Variants in CEP57L1 observed in about 807,000 individuals in gnomAD.
The protein encoded by CEP57L1 is centrosomal protein 57 like 1.
In CEP57L1, 37 loss-of-function variants were observed where a neutral mutation model predicts 61.0. The ratio of observed to expected loss-of-function variants is 0.61; its 90% CI spans 0.47 to 0.80. The LOEUF is 0.80. CEP57L1 is among the 30% of genes least tolerant of loss of function. The pLI, the probability that CEP57L1 is intolerant of heterozygous loss-of-function variation, is 0.00. For missense variants in CEP57L1, 422 were observed against 524.7 expected (o/e 0.80, Z 1.91); for synonymous variants, 137 against 162.3 (o/e 0.84, Z 1.19).
At chr6:109,123,376 C>T (rs934048852) in intron 1 of CEP57L1, among the ~76,000 whole-genome samples, 1 of 152,084 alleles carries the variant, frequency 6.6e-6, no homozygotes, top group Admixed American at 6.6e-5. Flanking sequence ...CAGCTCAGCC[C>T]CTTAATAGCT....
intron 1 of CEP57L1, among the ~76,000 whole-genome samples, chr6:109,095,876 GAC>G (rs1781636963): frequency 6.6e-6 from 1 of 152,098 alleles, no homozygotes; most frequent in Non-Finnish European, 1.5e-5. Flanking sequence ...CTTTTTTGTG[GAC>G]ACACGCGGGG....
In CEP57L1 at chr6:109,162,894, A is replaced by G. The variant is rs762857072; in HGVS notation, c.1307A>G (p.Asn436Ser). The G allele has an allele frequency of 6.2e-7, 1 of 1,613,352 alleles. No individual in the cohort carries two copies. Among genetic ancestry groups the G allele is most frequent in the Non-Finnish European group, 8.5e-7 (1 of 1,179,512 alleles). Residue 436 changes from asparagine to serine, a missense_variant, in exon 11 of 11, where the codon AAC (asparagine) becomes AGC (serine). Asn to Ser is a conservative substitution (Grantham distance 46, BLOSUM62 1). Coordinates refer to ENST00000517392, the MANE Select transcript of CEP57L1 (RefSeq NM_001271852.3). ...CLTDTNLFQK[N>S]SSFHPIRVHN... ...ACTGACACTAACCTTTTTCAGAAAAACAGCAGCTTTCATCCAATACGAGTT... is the reference window on the plus strand; with the variant it reads ...ACTGACACTAACCTTTTTCAGAAAAGCAGCAGCTTTCATCCAATACGAGTT...
rs146681126 is a variant in CEP57L1 at position 109,135,137 on chromosome 6, G to A, written c.-3-10082G>A. 8.6e-3 allele frequency among the ~76,000 whole-genome samples: 1,308 copies of A among 152,246 alleles called. 24 individuals carry two copies. Among genetic ancestry groups the A allele is most frequent in the African/African-American group, 0.03 (1,240 of 41,550 alleles). On this transcript the variant is annotated intron_variant, in intron 1 of 10. Coordinates refer to ENST00000517392, the MANE Select transcript of CEP57L1 (RefSeq NM_001271852.3). The stretch of plus-strand genomic sequence containing the variant: ...CCTAAGCCAAAAGAACAAAGCTGGA[G>A]GCATCATGCTACCTGACTTCAAACT...
rs150805306 is a variant in CEP57L1, at chr6:109,120,387, G to A, written c.-4+24812G>A. Among the ~76,000 whole-genome samples, 918 of 152,214 alleles carry A rather than the reference G, an allele frequency of 6.0e-3. 14 individuals carry two copies. Among genetic ancestry groups the A allele is most frequent in the African/African-American group, 0.021 (873 of 41,516 alleles). On this transcript the variant is annotated intron_variant, in intron 1 of 10. Coordinates refer to ENST00000517392, the MANE Select transcript of CEP57L1 (RefSeq NM_001271852.3). ...TTCTGCATTGGCTGCCAGTTGATGC[G>A]TATGATAGGAAAGTCTCCAAAAGAA...
At position 109,160,575 on chromosome 6, in the gene CEP57L1, G is replaced by T; in HGVS notation, c.1020G>T (p.Glu340Asp). 6.2e-7 allele frequency: 1 copy of T among 1,601,292 alleles called. No homozygotes were observed. Among genetic ancestry groups the T allele is most frequent in the Non-Finnish European group, 8.5e-7 (1 of 1,174,374 alleles). The change falls in exon 10 of 11, where the codon GAG (glutamate) becomes GAT (aspartate). Residue 340 changes from glutamate to aspartate, a missense_variant. Glu to Asp is a conservative substitution (Grantham distance 45). Transcript: ENST00000517392. ...MQDELDQMSM[E>D]HQELLKQMKE... ...AATATTTGCTATTCTTTCATAGGGA[G>T]CACCAAGAACTACTGAAACAAATGA...
chr6:109,101,784 T>TA (rs1782454547), intron 1 of CEP57L1, among the ~76,000 whole-genome samples: 1 of 151,566 alleles, frequency 6.6e-6, no homozygotes, highest in Non-Finnish European at 1.5e-5. Context: ...CGCGCCCGGC[T>TA]AATGTTTTGT....
At chr6:109,114,925 A>G (rs1425624758) in intron 1 of CEP57L1, among the ~76,000 whole-genome samples, 2 of 152,174 alleles carry the variant, frequency 1.3e-5, no homozygotes, top group African/African-American at 4.8e-5. Context: ...TCATTCCACA[A>G]TGTATACATG....
chr6:109,143,931 C>T (rs1179265989), intron 1 of CEP57L1, among the ~76,000 whole-genome samples: 1 of 152,086 alleles, frequency 6.6e-6, no homozygotes, highest in Non-Finnish European at 1.5e-5. Context: ...TACTTTAGGG[C>T]CTTACCTCCA....
chr6:109,101,194 G>A (rs192546845), intron 1 of CEP57L1, among the ~76,000 whole-genome samples: 2 of 152,308 alleles, frequency 1.3e-5, no homozygotes, highest in East Asian at 3.9e-4. Flanking sequence ...CTTTAGATCA[G>A]TAAATTTTCA....
At chr6:109,103,377 G>C (rs1434377598) in intron 1 of CEP57L1, among the ~76,000 whole-genome samples, 2 of 152,084 alleles carry the variant, frequency 1.3e-5, no homozygotes, top group Admixed American at 6.6e-5. Flanking sequence ...AATCATAAAG[G>C]CTCTTAATTT....
rs1352872842 is a variant in CEP57L1 at position 109,165,368 on chromosome 6, T to C, written c.*2398T>C. On this transcript the variant is annotated 3_prime_UTR_variant, in exon 11 of 11. Coordinates refer to ENST00000517392, the MANE Select transcript of CEP57L1 (RefSeq NM_001271852.3). ...CATGGGAAAGCACCCAGCAGAAGAG[T>C]TGACACTTATTAAACACTCAATAAA... 6.6e-6 allele frequency among the ~76,000 whole-genome samples: 1 copy of C among 151,188 alleles called. No homozygotes were observed. Among genetic ancestry groups the C allele is most frequent in the Admixed American group, 6.6e-5 (1 of 15,162 alleles).
chr6:109,095,389 T>C, upstream of CEP57L1: 3 of 985,906 alleles, frequency 3.0e-6, no homozygotes, highest in Middle Eastern at 5.2e-4. Flanking sequence ...TCTTCATTAC[T>C]CCAAACCCCA....
chr6:109,135,549 C>A (rs1038724255), intron 1 of CEP57L1, among the ~76,000 whole-genome samples: 1 of 152,210 alleles, frequency 6.6e-6, no homozygotes, highest in African/African-American at 2.4e-5. Flanking sequence ...GCAACAAAAG[C>A]CAAAATTGAC....
Position 109,163,313 on chromosome 6 carries a change from A to G in CEP57L1, c.*343A>G, listed in dbSNP as rs1241170820. The G allele has an allele frequency of 5.8e-6, 1 of 172,300 alleles. No individual in the cohort carries two copies. Among genetic ancestry groups the G allele is most frequent in the African/African-American group, 2.4e-5 (1 of 41,770 alleles). 10.7% of individuals were successfully genotyped at this position (172,300 alleles called of 1,614,324 possible). ...CCAAGCTACAAGTACCATTCATTCC[A>G]CTTTTCATTTAGTAGGTTTGGAACC... On this transcript the variant is annotated 3_prime_UTR_variant, in exon 11 of 11. Transcript: ENST00000517392.
chr6:109,119,126 G>T (rs918168363), intron 1 of CEP57L1, among the ~76,000 whole-genome samples: 1 of 152,078 alleles, frequency 6.6e-6, no homozygotes, highest in African/African-American at 2.4e-5. Context: ...CATTAGAAAC[G>T]TGTTCACTCA....
chr6:109,110,119 T>C (rs1771419699), intron 1 of CEP57L1, among the ~76,000 whole-genome samples: 5 of 152,192 alleles, frequency 3.3e-5, no homozygotes, highest in Admixed American at 2.0e-4. Flanking sequence ...CGCCACACTG[T>C]CTTCCACAAT....
chr6:109,141,820 A>T (rs1205847002), intron 1 of CEP57L1, among the ~76,000 whole-genome samples: 4 of 152,176 alleles, frequency 2.6e-5, no homozygotes, highest in East Asian at 1.9e-4. Context: ...GTTAGCATAG[A>T]TGCATACATA....
chr6:109,138,256 T>A (rs1041307963), intron 1 of CEP57L1, among the ~76,000 whole-genome samples: 2 of 152,196 alleles, frequency 1.3e-5, no homozygotes, highest in African/African-American at 4.8e-5. Context: ...GACATTATGT[T>A]AAAAGGCTTA....
At chr6:109,145,843 T>A (rs1488463330) in intron 2 of CEP57L1, among the ~76,000 whole-genome samples, 1 of 151,942 alleles carries the variant, frequency 6.6e-6, no homozygotes, top group Non-Finnish European at 1.5e-5. Context: ...AAAATAGAAA[T>A]GTAGGAGGAT....
Sources: allele counts gnomAD v4.1 joint callset (sites outside exome capture counted in the v4.1 genomes callset), GRCh38; gene constraint gnomAD v4.1.1; transcripts MANE v1.5; gene names NCBI Gene and HGNC (gene_info 2026-07-23, HGNC 2026-07-21).